NCMAP: variants seen among roughly 807,000 people sequenced by gnomAD.
NCMAP encodes the protein noncompact myelin-associated protein.
A neutral mutation model predicts 7.8 loss-of-function variants in NCMAP; 8 were observed. The ratio of observed to expected loss-of-function variants is 1.02; its 90% confidence interval spans 0.60 to 1.84. The LOEUF is 1.84. Among genes scored for constraint, NCMAP ranks in the 40% most tolerant of loss-of-function variants. The probability of loss-of-function intolerance (pLI) is 0.00; values close to 1 mark genes in which losing one functional copy is unlikely to be tolerated. For synonymous variants in NCMAP, 41 were observed against 52.9 expected, an observed-to-expected ratio of 0.78 and a Z score of 0.98; for missense variants, 112 against 131.4, an observed-to-expected ratio of 0.85 and a Z score of 0.72.
At chr1:24,559,130 G>A (rs1249764883) in intron 1 of NCMAP, among the ~76,000 whole-genome samples, 1 of 152,236 alleles carries the variant, frequency 6.6e-6, no homozygotes, top group Non-Finnish European at 1.5e-5. Context: ...GTGGTAAGAT[G>A]TCCACTTTGC....
At chr1:24,577,415 T>TTTTTTTG (rs1651613475) in intron 1 of NCMAP, among the ~76,000 whole-genome samples, 1 of 145,712 alleles carries the variant, frequency 6.9e-6, no homozygotes, top group African/African-American at 2.5e-5. Flanking sequence ...TTTTTTTTTT[T>TTTTTTTG]TTTTTTTTTT....
chr1:24,595,772 G>A (rs1198402695), intron 2 of NCMAP, among the ~76,000 whole-genome samples: 1 of 150,602 alleles, frequency 6.6e-6, no homozygotes, highest in Non-Finnish European at 1.5e-5. Flanking sequence ...CCAGGGAAGG[G>A]CAAATGGGGA....
intron 1 of NCMAP, among the ~76,000 whole-genome samples, chr1:24,565,572 T>TTGTG (rs58714256): frequency 0.11 from 15,869 of 143,492 alleles, 957 homozygotes; most frequent in East Asian, 0.18. Context: ...TGATAGAAGA[T>TTGTG]TGTGTGTGTG....
chr1:24,602,721 G>C (rs562076511), intron 3 of NCMAP, among the ~76,000 whole-genome samples: 1 of 150,916 alleles, frequency 6.6e-6, no homozygotes, highest in African/African-American at 2.4e-5. Flanking sequence ...GGGCAACATA[G>C]CAAGACCCTG....
chr1:24,590,685 G>T (rs993075236), intron 1 of NCMAP, among the ~76,000 whole-genome samples: 4 of 152,126 alleles, frequency 2.6e-5, no homozygotes, highest in African/African-American at 9.7e-5. Context: ...ACTGTAGTTT[G>T]TGCCATCAAA....
At chr1:24,585,698 C>T (rs1651863294) in intron 1 of NCMAP, among the ~76,000 whole-genome samples, 1 of 152,190 alleles carries the variant, frequency 6.6e-6, no homozygotes, top group Admixed American at 6.5e-5. Flanking sequence ...TATGAATCCA[C>T]AGCTTGCTCT....
intron 1 of NCMAP, among the ~76,000 whole-genome samples, chr1:24,591,592 T>C (rs533024915): frequency 2.0e-5 from 3 of 152,302 alleles, no homozygotes; most frequent in African/African-American, 7.2e-5. Flanking sequence ...AAGGCTACGC[T>C]CTTTTTCTTG....
intron 1 of NCMAP, among the ~76,000 whole-genome samples, chr1:24,586,969 A>G (rs1467148166): frequency 6.6e-6 from 1 of 152,196 alleles, no homozygotes; most frequent in Non-Finnish European, 1.5e-5. Flanking sequence ...AGTATAGGAC[A>G]TGCTTCATCT....
At chr1:24,599,772 T>A (rs1253150518) in intron 2 of NCMAP, among the ~76,000 whole-genome samples, 1 of 130,638 alleles carries the variant, frequency 7.7e-6, no homozygotes, top group Non-Finnish European at 1.5e-5. Flanking sequence ...GAGACAGGGT[T>A]TCCCCATGTT....
chr1:24,595,700 G>T (rs1392567430), intron 2 of NCMAP, among the ~76,000 whole-genome samples, 188 bp downstream of exon 2: 2 of 151,954 alleles, frequency 1.3e-5, no homozygotes, highest in African/African-American at 4.8e-5. Flanking sequence ...GTGTTTCTTT[G>T]CAGGGCACTG....
At chr1:24,558,214 A>G (rs1013529912) in intron 1 of NCMAP, among the ~76,000 whole-genome samples, 11 of 152,210 alleles carry the variant, frequency 7.2e-5, no homozygotes, top group Admixed American at 2.6e-4. Context: ...TCCTTGTAGC[A>G]CTTTCCATAA....
intron 1 of NCMAP, among the ~76,000 whole-genome samples, chr1:24,556,688 C>A (rs4521949): frequency 0.38 from 58,206 of 151,868 alleles, 11,823 homozygotes; most frequent in African/African-American, 0.51. Flanking sequence ...TGGAGGGGCT[C>A]GGGGGTCGCT....
intron 2 of NCMAP, among the ~76,000 whole-genome samples, chr1:24,596,488 G>T (rs1289919489): frequency 6.6e-6 from 1 of 152,130 alleles, no homozygotes; most frequent in Non-Finnish European, 1.5e-5. Context: ...TTCAAGACCA[G>T]CCTGGGCAAT....
At chr1:24,596,166 A>C (rs1260805410) in intron 2 of NCMAP, among the ~76,000 whole-genome samples, 1 of 152,052 alleles carries the variant, frequency 6.6e-6, no homozygotes, top group Non-Finnish European at 1.5e-5. Flanking sequence ...CCTGTTACTC[A>C]GGAGGCTGAG....
chr1:24,602,011 A>T (rs1465966457), intron 3 of NCMAP, among the ~76,000 whole-genome samples: 1 of 150,192 alleles, frequency 6.7e-6, no homozygotes, highest in Non-Finnish European at 1.5e-5. Flanking sequence ...ACTGCACTCC[A>T]TGCTGGGTGA....
In NCMAP at chr1:24,586,666, G is replaced by A. The variant is rs367802387; in HGVS notation, c.-7-8758G>A. Reference sequence around the variant, plus strand: ...CTCCCAGCTATTCTGCGAGGCTGAGGCAGAAGAATCACTTGAACCCGGGAA... The same window carrying A: ...CTCCCAGCTATTCTGCGAGGCTGAGACAGAAGAATCACTTGAACCCGGGAA... On this transcript the variant is annotated intron_variant, in intron 1 of 3. Coordinates refer to ENST00000374392, the MANE Select transcript of NCMAP (RefSeq NM_001010980.5). Among the ~76,000 whole-genome samples, 30 of 151,812 alleles carry A rather than the reference G, an allele frequency of 2.0e-4. No individual in the cohort carries two copies. In the Middle Eastern group the frequency reaches 0.014, roughly 69 times the overall value.
At chr1:24,568,784 A>T (rs569553950) in intron 1 of NCMAP, among the ~76,000 whole-genome samples, 1 of 152,020 alleles carries the variant, frequency 6.6e-6, no homozygotes, top group African/African-American at 2.4e-5. Context: ...CATAATAGGG[A>T]TCCTTTTTGT....
intron 1 of NCMAP, among the ~76,000 whole-genome samples, chr1:24,560,266 G>A (rs769985897): frequency 1.2e-4 from 18 of 151,612 alleles, no homozygotes; most frequent in Admixed American, 2.6e-4. Flanking sequence ...TTAAAAATTC[G>A]TCCCACAATT....
At chr1:24,595,609 T>C in intron 2 of NCMAP, 97 bp downstream of exon 2, 1 of 940,704 alleles carries the variant, frequency 1.1e-6, no homozygotes, top group Non-Finnish European at 1.6e-6. Context: ...GGAGGTGGAC[T>C]GCCTGGGTCT....
Sources: gnomAD v4.1 joint callset for allele counts (sites outside exome capture counted in the v4.1 genomes callset) on GRCh38, gnomAD v4.1.1 for gene constraint, MANE v1.5 for transcripts, NCBI Gene and HGNC (gene_info 2026-07-23, HGNC 2026-07-21) for gene names.